FAM204A: variants seen among roughly 807,000 people sequenced by gnomAD.
FAM204A encodes protein FAM204A.
FAM204A carries 16 observed loss-of-function variants against 35.4 expected under a neutral mutation model. That is an observed-to-expected ratio of 0.45 (90% confidence interval 0.31 to 0.69). FAM204A has a LOEUF of 0.69. FAM204A is among the 30% of genes least tolerant of loss of function. The pLI is 0.07. For missense variants in FAM204A, 240 were observed against 265.7 expected (o/e 0.90, Z 0.67); for synonymous variants, 76 against 86.9 (o/e 0.88, Z 0.70).
chr10:118,325,622 A>G (rs897126772), intron 7 of FAM204A, among the ~76,000 whole-genome samples: 3 of 152,184 alleles, frequency 2.0e-5, no homozygotes, highest in Non-Finnish European at 4.4e-5. Flanking sequence ...AGTATAATTC[A>G]GAATCTTCTT....
rs1480724582 is a variant in FAM204A at position 118,304,287 on chromosome 10, G to A, written c.*6570C>T. ...TTCCATGGCATTCCACAGGTACCAT[G>A]ACACAACAAGTATAAATATGACCTA... On this transcript the variant is annotated 3_prime_UTR_variant, in exon 9 of 9. Coordinates refer to ENST00000369183, the MANE Select transcript of FAM204A (RefSeq NM_022063.3). 1 of 152,118 alleles carries A rather than the reference G, an allele frequency of 6.6e-6. No homozygotes were observed. The highest frequency in any genetic ancestry group is 2.4e-5 in the African/African-American group (1 of 41,390). The allele number at this position is 152,118 out of a possible 1,614,324, so 9.4% of individuals were successfully genotyped here.
At chr10:118,313,151 T>C (rs993603159) in intron 7 of FAM204A, among the ~76,000 whole-genome samples, 4 of 150,974 alleles carry the variant, frequency 2.6e-5, no homozygotes, top group African/African-American at 4.9e-5. Context: ...TTGTCATACA[T>C]GTAAAAAAAA....
intron 1 of FAM204A, 152 bp from the exon 2 acceptor site, chr10:118,342,079 C>T (rs1326493087): frequency 6.6e-6 from 1 of 152,390 alleles, no homozygotes; most frequent in Non-Finnish European, 1.5e-5. Context: ...TCGAGGAAGG[C>T]TGAGGGCGGC....
At chr10:118,311,164 T>C (rs759920351) in intron 8 of FAM204A, 43 bp downstream of exon 8, 10 of 1,525,400 alleles carry the variant, frequency 6.6e-6, no homozygotes, top group Middle Eastern at 2.3e-4. Flanking sequence ...AGAATTTCTA[T>C]GAAGTCAGGA....
At position 118,335,142 on chromosome 10, in the gene FAM204A, G is replaced by A. The variant is rs772527053; in HGVS notation, c.425C>T (p.Pro142Leu). 3.5e-5 allele frequency: 57 copies of A among 1,612,990 alleles called. No individual in the cohort carries two copies. Among genetic ancestry groups the A allele is most frequent in the Middle Eastern group, 1.7e-4 (1 of 6,024 alleles). ...CTCAACTTTTTTCCTTTTAACAGGC[G>A]GGTCAAATCTATCATTGACTCCAAA... Reference protein sequence around the residue: ...QYFGVNDRFDPPVKRKKVEKS... With the variant: ...QYFGVNDRFDLPVKRKKVEKS... Residue 142 changes from proline to leucine, a missense_variant, in exon 6 of 9, where the codon CCG (proline) becomes CTG (leucine). Pro to Leu is a moderately conservative substitution (Grantham distance 98). Coordinates refer to ENST00000369183, the MANE Select transcript of FAM204A (RefSeq NM_022063.3).
intron 6 of FAM204A, among the ~76,000 whole-genome samples, chr10:118,334,285 C>A (rs552795235): frequency 5.2e-4 from 79 of 152,292 alleles, no homozygotes; most frequent in African/African-American, 1.7e-3. Context: ...ACTATCCACA[C>A]CACTGCTTAA....
Position 118,301,723 on chromosome 10 carries a change from C to T in FAM204A, c.*9134G>A, listed in dbSNP as rs567452754. 1.3e-5 allele frequency: 2 copies of T among 152,292 alleles called. No homozygotes were observed. Among genetic ancestry groups the T allele is most frequent in the South Asian group, 4.1e-4 (2 of 4,820 alleles). The allele number at this position is 152,292 out of a possible 1,614,324, so 9.4% of individuals were successfully genotyped here. On this transcript the variant is annotated 3_prime_UTR_variant, in exon 9 of 9. Transcript: ENST00000369183. ...AATCTATTCTCAGCACTTTCATATT[C>T]ATTAGTTCCTTTAATCCTCACATCT...
intron 6 of FAM204A, among the ~76,000 whole-genome samples, chr10:118,332,171 C>CAAAAAAAAAAAAAA (rs1846299938): frequency 1.3e-3 from 2 of 1,582 alleles, no homozygotes; most frequent in Non-Finnish European, 0.017. Context: ...GACTCTGTTT[C>CAAAAAAAAAAAAAA]AGAAAAAAAA....
At chr10:118,339,173 A>T (rs1308190264) in intron 2 of FAM204A, among the ~76,000 whole-genome samples, 1 of 152,202 alleles carries the variant, frequency 6.6e-6, no homozygotes, top group African/African-American at 2.4e-5. Context: ...AATACAAGGG[A>T]GACTGAGCAG....
At position 118,335,940 on chromosome 10, in the gene FAM204A, G is replaced by A. The variant is rs1037272738; in HGVS notation, c.234+242C>T. ...ACTCATGTACCACGCTAGGCAAACA[G>A]CTAATACTACATAGTGGTTTGGGTT... On this transcript the variant is annotated intron_variant, in intron 3 of 8. Transcript: ENST00000369183. The A allele has an allele frequency of 4.0e-5, 22 of 544,902 alleles. No individual in the cohort carries two copies. The Admixed American group carries it at 8.0e-4, about 20-fold the overall frequency. 33.8% of individuals were successfully genotyped at this position (544,902 alleles called of 1,614,324 possible). A position where few individuals can be genotyped will look rare whatever the true frequency, so the allele number is the denominator to read the frequency against.
chr10:118,330,442 G>C (rs1449798877), intron 6 of FAM204A, among the ~76,000 whole-genome samples: 5 of 152,148 alleles, frequency 3.3e-5, no homozygotes, highest in African/African-American at 1.2e-4. Flanking sequence ...ACAGTGGAAA[G>C]AGCACAGGAC....
chr10:118,315,376 C>T (rs893040173), intron 7 of FAM204A, among the ~76,000 whole-genome samples: 4 of 152,046 alleles, frequency 2.6e-5, no homozygotes, highest in East Asian at 1.9e-4. Context: ...ATTTCTTATC[C>T]GTTTCAGAGT....
chr10:118,339,739 C>T (rs567759223), intron 2 of FAM204A, among the ~76,000 whole-genome samples: 45 of 152,196 alleles, frequency 3.0e-4, no homozygotes, highest in Middle Eastern at 3.4e-3. Context: ...TTGAATATCA[C>T]TTTCTTCATT....
At chr10:118,318,252 G>C (rs938020777) in intron 7 of FAM204A, among the ~76,000 whole-genome samples, 5 of 151,960 alleles carry the variant, frequency 3.3e-5, no homozygotes, top group African/African-American at 1.2e-4. Flanking sequence ...ATTTGAAAGA[G>C]AGACATAAAA....
At chr10:118,333,251 G>C (rs765033614) in intron 6 of FAM204A, among the ~76,000 whole-genome samples, 8 of 152,156 alleles carry the variant, frequency 5.3e-5, no homozygotes, top group Non-Finnish European at 1.2e-4. Flanking sequence ...AGAGGGTTGA[G>C]TGAATACAAA....
rs944308277 is a variant in FAM204A at position 118,299,056 on chromosome 10, T to A, written c.*11801A>T. The A allele has an allele frequency of 6.6e-6, 1 of 152,188 alleles. No homozygotes were observed. Among genetic ancestry groups the A allele is most frequent in the African/African-American group, 2.4e-5 (1 of 41,436 alleles). 9.4% of individuals were successfully genotyped at this position (152,188 alleles called of 1,614,324 possible). On this transcript the variant is annotated 3_prime_UTR_variant, in exon 9 of 9. Coordinates refer to ENST00000369183, the MANE Select transcript of FAM204A (RefSeq NM_022063.3). The stretch of plus-strand genomic sequence containing the variant: ...TCTGGCCCCCTGGACAGTGTACGTG[T>A]GAGTGACGGTTCCCTCTGGGCCCAC...
Position 118,306,931 on chromosome 10 carries a change from ATAAAGAT to A in FAM204A, c.*3919_*3925del, listed in dbSNP as rs1387152927. 3.9e-5 allele frequency: 6 copies of A among 152,184 alleles called. No homozygotes were observed. The highest frequency in any genetic ancestry group is 1.2e-4 in the African/African-American group (5 of 41,448). 9.4% of individuals were successfully genotyped at this position (152,184 alleles called of 1,614,324 possible). On this transcript the variant is annotated 3_prime_UTR_variant, in exon 9 of 9. Coordinates refer to ENST00000369183, the MANE Select transcript of FAM204A (RefSeq NM_022063.3). ...AGCAGTGTGGAGGGAGGATGAAATA[ATAAAGAT>A]TAAAGAATGCAGTTCTGCACATTTT...
chr10:118,301,371 C>A lies in FAM204A; in HGVS notation c.*9486G>T, dbSNP rs982708280. The A allele has an allele frequency of 1.3e-5, 2 of 152,194 alleles. No homozygotes were observed. Among genetic ancestry groups the A allele is most frequent in the African/African-American group, 4.8e-5 (2 of 41,442 alleles). The allele number at this position is 152,194 out of a possible 1,614,324, so 9.4% of individuals were successfully genotyped here. A position where few individuals can be genotyped will look rare whatever the true frequency, so the allele number is the denominator to read the frequency against. On this transcript the variant is annotated 3_prime_UTR_variant, in exon 9 of 9. Transcript: ENST00000369183. Reference sequence around the variant, plus strand: ...TCTCAGTTCAGACATTTACTCACAACAGAAATAGCCATCAGCATTTTTGCA... The same window carrying A: ...TCTCAGTTCAGACATTTACTCACAAAAGAAATAGCCATCAGCATTTTTGCA...
At position 118,334,694 on chromosome 10, in the gene FAM204A, G is replaced by A. The variant is rs1166591140; in HGVS notation, c.453+420C>T. On this transcript the variant is annotated intron_variant, in intron 6 of 8. Transcript: ENST00000369183. ...GACTGCCTGCCTCTGTAATCATATA[G>A]TGGGCTACCCTCCTCCTCGCTGACC... Among the ~76,000 whole-genome samples, 3 of 152,156 alleles carry A rather than the reference G, an allele frequency of 2.0e-5. No homozygotes were observed. In the East Asian group the frequency reaches 5.8e-4, roughly 29 times the overall value.
Sources: allele counts gnomAD v4.1 joint callset (sites outside exome capture counted in the v4.1 genomes callset), GRCh38; gene constraint gnomAD v4.1.1; transcripts MANE v1.5; gene names NCBI Gene and HGNC (gene_info 2026-07-23, HGNC 2026-07-21).